NEDD9: variants seen among roughly 807,000 people sequenced by gnomAD.
The protein encoded by NEDD9 is neural precursor cell expressed, developmentally down-regulated 9, also known as enhancer of filamentation 1.
A neutral mutation model predicts 76.6 loss-of-function variants in NEDD9; 26 were observed. The ratio of observed to expected loss-of-function variants is 0.34; its 90% confidence interval spans 0.25 to 0.47. The LOEUF is 0.47. Ranked by LOEUF, NEDD9 falls within the 20% of genes least tolerant of loss-of-function variation. The pLI, the probability that NEDD9 is intolerant of heterozygous loss-of-function variation, is 1.00. For missense variants in NEDD9, 937 were observed against 1,058.5 expected (o/e 0.89, Z 1.59); for synonymous variants, 392 against 414.2 (o/e 0.95, Z 0.65).
At chr6:11,306,984 G>A (rs1233513895) in intron 2 of NEDD9, among the ~76,000 whole-genome samples, 1 of 152,126 alleles carries the variant, frequency 6.6e-6, no homozygotes, top group Non-Finnish European at 1.5e-5. Flanking sequence ...TATAGTTGGG[G>A]TATATATCCT....
intron 2 of NEDD9, among the ~76,000 whole-genome samples, chr6:11,203,965 A>G (rs1412487251): frequency 8.1e-6 from 1 of 123,880 alleles, no homozygotes; most frequent in African/African-American, 3.0e-5. Context: ...ATGCTTGAGT[A>G]TCTTTTCTTT....
chr6:11,226,421 C>T (rs145425820), intron 1 of NEDD9, among the ~76,000 whole-genome samples: 2 of 152,194 alleles, frequency 1.3e-5, no homozygotes, highest in African/African-American at 2.4e-5. Flanking sequence ...GTAATTCAGC[C>T]TATATGTTCT....
chr6:11,261,613 A>C (rs1018613338), intron 3 of NEDD9, among the ~76,000 whole-genome samples: 3 of 152,354 alleles, frequency 2.0e-5, no homozygotes, highest in African/African-American at 7.2e-5. Flanking sequence ...CTTACCTGTT[A>C]TAAACTATAC....
At chr6:11,368,578 G>T (rs548300243) in intron 1 of NEDD9, among the ~76,000 whole-genome samples, 2 of 152,288 alleles carry the variant, frequency 1.3e-5, no homozygotes, top group East Asian at 1.9e-4. Flanking sequence ...ACACACAGAA[G>T]GGTCTACAGA....
rs996671379 is a variant in NEDD9, at chr6:11,237,735, C to T, written c.13-24008G>A. On this transcript the variant is annotated intron_variant, in intron 3 of 3. Transcript: ENST00000397378. This position sits in a 1 kb window ranked among gnomAD's most constrained non-coding sequence, Gnocchi z 4.9. Reference sequence around the variant, plus strand: ...ACAGAGATGGCAAAGCCCCCAAAGCCGAAGAAGAAAAAGTATTATTTGGTT... The same window carrying T: ...ACAGAGATGGCAAAGCCCCCAAAGCTGAAGAAGAAAAAGTATTATTTGGTT... 6.6e-6 allele frequency among the ~76,000 whole-genome samples: 1 copy of T among 152,046 alleles called. No homozygotes were observed. Among genetic ancestry groups the T allele is most frequent in the African/African-American group, 2.4e-5 (1 of 41,388 alleles).
At chr6:11,363,659 A>G (rs1210115936) in intron 1 of NEDD9, among the ~76,000 whole-genome samples, 2 of 152,228 alleles carry the variant, frequency 1.3e-5, no homozygotes, top group Non-Finnish European at 2.9e-5. Context: ...GGAGGGACCC[A>G]CCAACAACAT....
At chr6:11,339,068 GTTTATC>G (rs1762222821) in intron 1 of NEDD9, among the ~76,000 whole-genome samples, 1 of 151,680 alleles carries the variant, frequency 6.6e-6, no homozygotes. Flanking sequence ...TAAGTCTCCT[GTTTATC>G]TTTATTTTCA....
In NEDD9 at chr6:11,305,115, G is replaced by A. The variant is rs750672690; in HGVS notation, c.12+877C>T. ...GATTGGGCTGTTCTTGGCTTGATAC[G>A]GTGCCCAGAGCTTTTTTATTTGTGT... On this transcript the variant is annotated intron_variant, in intron 3 of 3. Transcript: ENST00000397378. 49 of 1,288,954 alleles carry A rather than the reference G, an allele frequency of 3.8e-5. No homozygotes were observed. The South Asian group carries it at 5.4e-4, about 14-fold the overall frequency. The allele number at this position is 1,288,954 out of a possible 1,614,324, so 79.8% of individuals were successfully genotyped here. A position where few individuals can be genotyped will look rare whatever the true frequency, so the allele number is the denominator to read the frequency against.
chr6:11,266,620 C>A (rs1760206994), intron 3 of NEDD9, among the ~76,000 whole-genome samples: 1 of 152,140 alleles, frequency 6.6e-6, no homozygotes, highest in African/African-American at 2.4e-5. Flanking sequence ...TTAAAAAAAA[C>A]TTTTCTGCTT....
intron 2 of NEDD9, among the ~76,000 whole-genome samples, chr6:11,317,702 G>A (rs1020679649): frequency 6.6e-6 from 1 of 152,146 alleles, no homozygotes; most frequent in South Asian, 2.1e-4. Flanking sequence ...AAACTTGGCT[G>A]TAAAGAAAAG....
At chr6:11,249,127 G>A in intron 3 of NEDD9, 1 of 455,980 alleles carries the variant, frequency 2.2e-6, no homozygotes, top group Non-Finnish European at 4.4e-6. Context: ...GGTTTTTTGG[G>A]AGGAGACTTA....
intron 3 of NEDD9, among the ~76,000 whole-genome samples, chr6:11,260,391 A>C (rs1760084551): frequency 6.6e-6 from 1 of 152,234 alleles, no homozygotes; most frequent in Non-Finnish European, 1.5e-5. Flanking sequence ...AGAGTCTGTC[A>C]CATTAGGGTG....
chr6:11,222,309 CT>C (rs1257521754), intron 1 of NEDD9, among the ~76,000 whole-genome samples: 1 of 152,180 alleles, frequency 6.6e-6, no homozygotes, highest in Admixed American at 6.5e-5. Context: ...GTCACTTGAC[CT>C]GGATTTGGTG....
At chr6:11,202,963 G>C (rs1758495768) in intron 2 of NEDD9, among the ~76,000 whole-genome samples, 1 of 152,188 alleles carries the variant, frequency 6.6e-6, no homozygotes, top group African/African-American at 2.4e-5. Context: ...ACTTTCATTT[G>C]ACACAGCGTT....
intron 1 of NEDD9, 119 bp downstream of exon 1, chr6:11,232,385 C>A: frequency 7.8e-7 from 1 of 1,273,994 alleles, no homozygotes; most frequent in Admixed American, 1.8e-5. Flanking sequence ...GACCGAGACT[C>A]ATCTTAGAAC....
rs554451136 is a variant in NEDD9, at chr6:11,228,311, A to T, written c.12+4193T>A. Among the ~76,000 whole-genome samples, 4 of 152,278 alleles carry T rather than the reference A, an allele frequency of 2.6e-5. No homozygotes were observed. The South Asian group carries it at 8.3e-4, about 32-fold the overall frequency. On this transcript the variant is annotated intron_variant, in intron 1 of 6. Transcript: ENST00000379446. Reference sequence around the variant, plus strand: ...TTTGGGAGGCTGAGGCAGGTGGATCACCTGAGGTCAAGAGTTCGAGACCAG... The same window carrying T: ...TTTGGGAGGCTGAGGCAGGTGGATCTCCTGAGGTCAAGAGTTCGAGACCAG...
chr6:11,238,803 C>T (rs986909656), intron 3 of NEDD9, among the ~76,000 whole-genome samples: 2 of 152,288 alleles, frequency 1.3e-5, no homozygotes, highest in South Asian at 2.1e-4. Context: ...ATGCTTAGGC[C>T]TCTCTCCTTT....
rs189825328 is a variant in NEDD9, at chr6:11,203,456, T to C, written c.460-9764A>G. On this transcript the variant is annotated intron_variant, in intron 2 of 6. Coordinates refer to ENST00000379446, the MANE Select transcript of NEDD9 (RefSeq NM_006403.4). Reference sequence around the variant, plus strand: ...GAGAATTTTGGGACCCAAATGCCGATTGGTATCATTTCTTCCTAAAGAGGA... The same window carrying C: ...GAGAATTTTGGGACCCAAATGCCGACTGGTATCATTTCTTCCTAAAGAGGA... 2.1e-3 allele frequency among the ~76,000 whole-genome samples: 313 copies of C among 152,212 alleles called. 2 individuals are homozygous for C. Among genetic ancestry groups the C allele is most frequent in the Non-Finnish European group, 3.8e-3 (256 of 68,008 alleles).
Position 11,185,275 on chromosome 6 carries a change from C to A in NEDD9, c.2392G>T (p.Ala798Ser), listed in dbSNP as rs757379956. The A allele has an allele frequency of 1.9e-6, 3 of 1,613,972 alleles. No individual in the cohort carries two copies. Among genetic ancestry groups the A allele is most frequent in the African/African-American group, 2.7e-5 (2 of 74,900 alleles). The part of the protein sequence containing the change: ...KTIVMATKMA[A>S]LHYPSTTALQ... ...GCCGTGGTGCTGGGGTAATGGAGGGCGGCCATCTTGGTTGCCATGACTATG... is the reference window on the plus strand; with the variant it reads ...GCCGTGGTGCTGGGGTAATGGAGGGAGGCCATCTTGGTTGCCATGACTATG... The change falls in exon 7 of 7, where the codon GCC becomes TCC. Residue 798 changes from alanine to serine, a missense_variant. Physicochemically the swap from Ala to Ser is moderately conservative, Grantham distance 99. Transcript: ENST00000379446.
Sources: gnomAD v4.1 joint callset for allele counts (sites outside exome capture counted in the v4.1 genomes callset) on GRCh38, gnomAD v4.1.1 for gene constraint, Gnocchi (gnomAD v3.1) non-coding constraint, MANE v1.5 for transcripts, NCBI Gene and HGNC (gene_info 2026-07-23, HGNC 2026-07-21) for gene names.